RBFOX3: variants seen among roughly 807,000 people sequenced by gnomAD.
RBFOX3 encodes RNA binding fox-1 homolog 3.
Under a neutral mutation model 48.7 loss-of-function variants are expected in RBFOX3, and 17 were observed. That is an observed-to-expected ratio of 0.35 (90% CI 0.24 to 0.52). The LOEUF is 0.52. Ranked by LOEUF, RBFOX3 falls within the 20% of genes least tolerant of loss-of-function variation. The pLI, the probability that RBFOX3 is intolerant of heterozygous loss-of-function variation, is 0.94. For missense variants in RBFOX3, 382 were observed against 497.5 expected, an observed-to-expected ratio of 0.77 and a Z score of 2.21; for synonymous variants, 212 against 209.5, an observed-to-expected ratio of 1.01 and a Z score of -0.10.
chr17:79,408,670 T>C (rs1598565524), intron 2 of RBFOX3, among the ~76,000 whole-genome samples: 2 of 152,222 alleles, frequency 1.3e-5, no homozygotes, highest in Admixed American at 1.3e-4. Flanking sequence ...ATTTAGCCGA[T>C]GAGGCCCACA....
intron 4 of RBFOX3, among the ~76,000 whole-genome samples, chr17:79,222,983 G>C (rs898567915): frequency 2.0e-5 from 3 of 152,164 alleles, no homozygotes; most frequent in Admixed American, 2.0e-4. Context: ...GGGTGTCAGG[G>C]TGTGGGTCTG....
intron 13 of RBFOX3, 110 bp from the exon 14 acceptor site, chr17:79,094,639 C>G (rs537566184): frequency 1.5e-6 from 1 of 664,734 alleles, no homozygotes; most frequent in Non-Finnish European, 2.3e-6. Context: ...CACCCTGTAC[C>G]GAGGTCCCAT....
the RBFOX3 span, among the ~76,000 whole-genome samples, chr17:79,619,191 T>A: frequency 6.6e-6 from 1 of 152,292 alleles, no homozygotes; most frequent in East Asian, 1.9e-4. Flanking sequence ...CTCGACAGCG[T>A]CTTCTCTTTT....
chr17:79,551,129 A>T (rs2091104653), intron 1 of RBFOX3, among the ~76,000 whole-genome samples: 1 of 152,122 alleles, frequency 6.6e-6, no homozygotes, highest in South Asian at 2.1e-4. Flanking sequence ...GTTTTTCAAC[A>T]CACCTTGCTG....
At chr17:79,296,944 C>T (rs930371854) in intron 3 of RBFOX3, among the ~76,000 whole-genome samples, 4 of 144,156 alleles carry the variant, frequency 2.8e-5, no homozygotes, top group African/African-American at 1.0e-4. Context: ...TCTCCCTCCT[C>T]CTCCTCTTCC....
intron 2 of RBFOX3, among the ~76,000 whole-genome samples, chr17:79,341,562 G>C: frequency 6.6e-6 from 1 of 152,112 alleles, no homozygotes; most frequent in Non-Finnish European, 1.5e-5. Flanking sequence ...GCATGGCTGG[G>C]GCTGGGGCAC....
At chr17:79,116,637 C>T (rs1197809157) in intron 4 of RBFOX3, among the ~76,000 whole-genome samples, 3 of 152,264 alleles carry the variant, frequency 2.0e-5, no homozygotes, top group Non-Finnish European at 4.4e-5. Context: ...CCTCCTGCCT[C>T]CCCTGCCAGT....
chr17:79,331,303 G>A (rs2080244806), intron 2 of RBFOX3, among the ~76,000 whole-genome samples: 1 of 152,012 alleles, frequency 6.6e-6, no homozygotes, highest in Non-Finnish European at 1.5e-5. Context: ...TTCCTTACAA[G>A]TGGTCCCTGG....
chr17:79,303,800 C>A (rs1038869748), intron 3 of RBFOX3, among the ~76,000 whole-genome samples: 2 of 151,734 alleles, frequency 1.3e-5, no homozygotes, highest in Non-Finnish European at 2.9e-5. Context: ...TATGTACCTG[C>A]GTGTGCGGTA....
chr17:79,295,558 G>A (rs1208722737), intron 3 of RBFOX3, among the ~76,000 whole-genome samples: 2 of 152,222 alleles, frequency 1.3e-5, no homozygotes, highest in Non-Finnish European at 2.9e-5. Flanking sequence ...CTGACTCAGG[G>A]TCTGAGTGCG....
chr17:79,614,734 G>T (rs1485873121), upstream of RBFOX3, among the ~76,000 whole-genome samples: 1 of 152,104 alleles, frequency 6.6e-6, no homozygotes, highest in African/African-American at 2.4e-5. Flanking sequence ...GAAGTTAAAA[G>T]CATGAGAGCA....
intron 2 of RBFOX3, among the ~76,000 whole-genome samples, chr17:79,394,931 G>A (rs1000974609): frequency 1.3e-5 from 2 of 152,218 alleles, no homozygotes; most frequent in Non-Finnish European, 2.9e-5. Flanking sequence ...GTGGGACGAC[G>A]CAGAGAGGCG....
At chr17:79,277,490 T>C (rs1183165314) in intron 3 of RBFOX3, among the ~76,000 whole-genome samples, 3 of 152,198 alleles carry the variant, frequency 2.0e-5, no homozygotes, top group African/African-American at 7.2e-5. Flanking sequence ...CCAGAAGATA[T>C]TCCCATACTC....
intron 2 of RBFOX3, among the ~76,000 whole-genome samples, chr17:79,308,499 C>T (rs1598193909): frequency 1.3e-5 from 2 of 152,140 alleles, no homozygotes; most frequent in African/African-American, 4.8e-5. Context: ...GTGGGGGCAA[C>T]GTCAAGGGGG....
chr17:79,257,793 C>T (rs985815589), intron 3 of RBFOX3, among the ~76,000 whole-genome samples: 2 of 152,096 alleles, frequency 1.3e-5, no homozygotes, highest in Non-Finnish European at 2.9e-5. Context: ...GTTGGTCAGG[C>T]TGGTCTTGAA....
At chr17:79,209,817 C>T (rs1009211105) in intron 4 of RBFOX3, among the ~76,000 whole-genome samples, 2 of 151,966 alleles carry the variant, frequency 1.3e-5, no homozygotes, top group Admixed American at 1.3e-4. Context: ...CATGGTGAAA[C>T]CCCGTCTCTA....
At chr17:79,352,406 A>G (rs1170988445) in intron 2 of RBFOX3, among the ~76,000 whole-genome samples, 1 of 152,164 alleles carries the variant, frequency 6.6e-6, no homozygotes, top group Non-Finnish European at 1.5e-5. Context: ...CTCCCCAGCC[A>G]TGCTTCCTGT....
chr17:79,644,477 C>T, the RBFOX3 span, among the ~76,000 whole-genome samples: 1 of 152,090 alleles, frequency 6.6e-6, no homozygotes. Flanking sequence ...CTCAGCAATG[C>T]AAGGTCTTTT....
chr17:79,397,636 T>C (rs1008718817), intron 2 of RBFOX3, among the ~76,000 whole-genome samples: 9 of 149,728 alleles, frequency 6.0e-5, no homozygotes, highest in Non-Finnish European at 9.0e-5. Context: ...TAGTGTCTGA[T>C]TTAGAGCAGC....
Sources: allele counts gnomAD v4.1 joint callset (sites outside exome capture counted in the v4.1 genomes callset), GRCh38; gene constraint gnomAD v4.1.1; transcripts MANE v1.5; gene names NCBI Gene and HGNC (gene_info 2026-07-23, HGNC 2026-07-21).